The following SFMBT1 variants were observed in gnomAD, a reference collection of about 807,000 sequenced individuals.
SFMBT1 encodes scm-like with four MBT domains protein 1.
In SFMBT1, 32 loss-of-function variants were observed where a neutral mutation model predicts 108.7. The observed-to-expected ratio is 0.29, with a 90% CI of 0.22 to 0.40. The LOEUF (loss-of-function observed/expected upper bound fraction) is 0.40, where lower values mean the gene tolerates loss of function less well. Among genes scored for constraint, SFMBT1 ranks in the 10% least tolerant of loss-of-function variants. SFMBT1 has a pLI of 1.00. For missense variants in SFMBT1, 816 were observed against 1,059.6 expected (o/e 0.77, Z 3.19); for synonymous variants, 348 against 369.5 (o/e 0.94, Z 0.67).
At position 52,907,679 on chromosome 3, in the gene SFMBT1, T is replaced by G. The variant is rs748520518; in HGVS notation, c.1961A>C (p.His654Pro). The G allele has an allele frequency of 1.2e-6, 2 of 1,614,048 alleles. No homozygotes were observed. ...NKRIGRPPGG[H>P]SNLACALKKA... Reference sequence around the variant, plus strand: ...TTTCAGGGCACAAGCTAAGTTACTATGCCCACCAGGTGGCCTCCCAATTCT... The same window carrying G: ...TTTCAGGGCACAAGCTAAGTTACTAGGCCCACCAGGTGGCCTCCCAATTCT... Residue 654 changes from histidine (H) to proline (P), a missense_variant, in exon 18 of 21, where the codon CAT becomes CCT. By Grantham distance (77) the His-to-Pro change is moderately conservative (BLOSUM62 -2). Around this residue, in one of 5 missense-constraint regions of SFMBT1, gnomAD observed 177 missense variants for 182.0 expected, o/e 0.97. Coordinates refer to ENST00000394752, the MANE Select transcript of SFMBT1 (RefSeq NM_016329.4).
intron 8 of SFMBT1, 121 bp downstream of exon 8, chr3:52,930,208 C>G: frequency 1.5e-6 from 1 of 651,810 alleles, no homozygotes. Flanking sequence ...GTAATTCTAG[C>G]TGCACGGCCT....
chr3:52,940,864 T>A (rs1350714153), intron 4 of SFMBT1, among the ~76,000 whole-genome samples: 1 of 152,124 alleles, frequency 6.6e-6, no homozygotes, highest in Non-Finnish European at 1.5e-5. Flanking sequence ...ATAAGGCAAA[T>A]CAATAGCATG....
At chr3:52,923,806 G>A (rs779046939) in intron 10 of SFMBT1, among the ~76,000 whole-genome samples, 2 of 151,864 alleles carry the variant, frequency 1.3e-5, no homozygotes, top group South Asian at 2.1e-4. Flanking sequence ...GAGACAAAAC[G>A]GAAGGAAGGA....
intron 1 of SFMBT1, among the ~76,000 whole-genome samples, chr3:53,017,614 T>C (rs1488825482): frequency 6.6e-6 from 1 of 152,190 alleles, no homozygotes. Flanking sequence ...AGCACTCTCA[T>C]GGAACAAGAA....
chr3:52,997,027 C>G lies in SFMBT1; in HGVS notation c.-130-27769G>C, dbSNP rs943412322. On this transcript the variant is annotated intron_variant, in intron 1 of 20. Transcript: ENST00000394752. ...GAGCCTGCAGTGAGCCGAGATCGCA[C>G]CACTGCACTCCAGCCTGGGCGACTG... is the stretch of plus-strand genomic sequence containing the variant. Among the ~76,000 whole-genome samples, 10 of 149,616 alleles carry G rather than the reference C, an allele frequency of 6.7e-5. 1 individual carries two copies. Among genetic ancestry groups the G allele is most frequent in the South Asian group, 4.2e-4 (2 of 4,728 alleles).
chr3:52,937,485 C>T (rs1703048889), intron 4 of SFMBT1, among the ~76,000 whole-genome samples: 2 of 152,100 alleles, frequency 1.3e-5, no homozygotes, highest in Admixed American at 6.6e-5. Context: ...GTCAAATCTA[C>T]AAAATAAAAT....
In SFMBT1 at chr3:52,958,129, C is replaced by T. The variant is rs569452368; in HGVS notation, c.29-3718G>A. The stretch of plus-strand genomic sequence containing the variant: ...AAATTTACAAGAAAAAACCCAACAA[C>T]CCCATTAAAAAGCGGACAAAGGACA... On this transcript the variant is annotated intron_variant, in intron 2 of 20. Coordinates refer to ENST00000394752, the MANE Select transcript of SFMBT1 (RefSeq NM_016329.4). 3.9e-5 allele frequency among the ~76,000 whole-genome samples: 6 copies of T among 152,202 alleles called. No homozygotes were observed. The East Asian group carries it at 9.7e-4, about 24-fold the overall frequency.
intron 17 of SFMBT1, 113 bp from the exon 18 acceptor site, chr3:52,907,846 G>A (rs1702111821): frequency 2.1e-6 from 2 of 975,122 alleles, no homozygotes; most frequent in South Asian, 1.7e-5. Flanking sequence ...TTTGATTGGG[G>A]TTTAAATTCC....
At position 52,943,457 on chromosome 3, in the gene SFMBT1, T is replaced by C. The variant is rs771197546; in HGVS notation, c.260A>G (p.Tyr87Cys). Residue 87 changes from tyrosine (Y) to cysteine (C), a missense_variant, in exon 4 of 21, where the codon TAT (tyrosine) becomes TGT (cysteine). By Grantham distance (194) the Tyr-to-Cys change is radical (BLOSUM62 -2). Coordinates refer to ENST00000394752, the MANE Select transcript of SFMBT1 (RefSeq NM_016329.4). ...EQLLLLRYDG[Y>C]GEDRRADFWC... is the part of the protein sequence containing the mutation. ...GAAATCTGCTCTCCGATCCTCCCCA[T>C]AGCCATCATAGCGGAGAAGGAGCAA... The C allele has an allele frequency of 1.9e-5, 31 of 1,614,066 alleles. No individual in the cohort carries two copies. Among genetic ancestry groups the C allele is most frequent in the South Asian group, 1.9e-4 (17 of 91,084 alleles).
chr3:52,949,878 T>G (rs1344343427), intron 3 of SFMBT1, among the ~76,000 whole-genome samples: 1 of 152,190 alleles, frequency 6.6e-6, no homozygotes, highest in Non-Finnish European at 1.5e-5. Context: ...TAACATTCCT[T>G]GCTTTGAAGT....
chr3:53,037,297 A>G (rs1699897855), intron 1 of SFMBT1, among the ~76,000 whole-genome samples: 1 of 152,138 alleles, frequency 6.6e-6, no homozygotes, highest in Non-Finnish European at 1.5e-5. Context: ...ATTCCTGAGA[A>G]TGGAGCCTGA....
At chr3:53,041,297 G>A (rs548316539) in intron 1 of SFMBT1, among the ~76,000 whole-genome samples, 2 of 152,234 alleles carry the variant, frequency 1.3e-5, no homozygotes, top group African/African-American at 4.8e-5. Flanking sequence ...ATGCAGTGAA[G>A]TCATATGATT....
At chr3:53,044,961 A>G (rs1447441799) in intron 1 of SFMBT1, 1 of 152,288 alleles carries the variant, frequency 6.6e-6, no homozygotes, top group Non-Finnish European at 1.5e-5. Context: ...TTCCGCGGGA[A>G]TTTATTTCTG....
chr3:53,019,594 T>TC (rs1469140601), intron 1 of SFMBT1, among the ~76,000 whole-genome samples: 1 of 152,178 alleles, frequency 6.6e-6, no homozygotes, highest in Non-Finnish European at 1.5e-5. Context: ...GTTGATGGCT[T>TC]CCTCATCCTC....
At chr3:52,942,699 G>A (rs1703224938) in intron 4 of SFMBT1, among the ~76,000 whole-genome samples, 1 of 152,206 alleles carries the variant, frequency 6.6e-6, no homozygotes, top group South Asian at 2.1e-4. Context: ...ATTTTTAGTA[G>A]AGACGGGGTT....
intron 1 of SFMBT1, among the ~76,000 whole-genome samples, chr3:52,986,476 T>C (rs1704919017): frequency 1.3e-5 from 2 of 152,034 alleles, no homozygotes; most frequent in Admixed American, 6.6e-5. Flanking sequence ...TGTACAAAAA[T>C]ATTTTTTTGG....
chr3:52,915,074 G>A (rs1702311310), intron 14 of SFMBT1, among the ~76,000 whole-genome samples: 1 of 152,158 alleles, frequency 6.6e-6, no homozygotes. Context: ...CAGCTTCAGG[G>A]CTCCCAGTGG....
intron 2 of SFMBT1, among the ~76,000 whole-genome samples, chr3:52,966,777 T>C (rs1051007956): frequency 6.6e-6 from 1 of 151,534 alleles, no homozygotes; most frequent in Non-Finnish European, 1.5e-5. Flanking sequence ...TTCTCTCAAG[T>C]GTTCTAAATT....
intron 3 of SFMBT1, among the ~76,000 whole-genome samples, chr3:52,945,136 T>TCAAAAAAAAAAAAAAAAAAAAAAAAAAA (rs1553636664): frequency 2.1e-5 from 1 of 48,512 alleles, no homozygotes; most frequent in Admixed American, 2.1e-4. Flanking sequence ...ACCTTCCAAT[T>TCAAAAAAAAAAAAAAAAAAAAAAAAAAA]AAAAAAAAAA....
Sources: gnomAD v4.1 joint callset for allele counts (sites outside exome capture counted in the v4.1 genomes callset) on GRCh38, gnomAD v4.1.1 for gene constraint, gnomAD v4.1.1 regional missense constraint, MANE v1.5 for transcripts, NCBI Gene and HGNC (gene_info 2026-07-23, HGNC 2026-07-21) for gene names.